The following IKBIP variants were observed in gnomAD, a reference collection of about 807,000 sequenced individuals.
The protein encoded by IKBIP is IKBKB interacting protein, also known as inhibitor of nuclear factor kappa-B kinase-interacting protein.
In IKBIP, 28 loss-of-function variants were observed where a neutral mutation model predicts 31.0. That is an observed-to-expected ratio of 0.90 (90% CI 0.67 to 1.24). IKBIP has a LOEUF of 1.24. IKBIP is among the 50% of genes most tolerant of loss of function. The pLI is 0.00. For missense variants in IKBIP, 453 were observed against 441.9 expected (o/e 1.03, Z -0.23); for synonymous variants, 164 against 160.3 (o/e 1.02, Z -0.17).
At chr12:98,627,676 G>A (rs59998433) in intron 2 of IKBIP, among the ~76,000 whole-genome samples, 4,551 of 152,194 alleles carry the variant, frequency 0.03, 210 homozygotes, top group African/African-American at 0.1. Context: ...CTGACCTCGT[G>A]ATCCGCCCAC....
rs1306022727 is a variant in IKBIP, at chr12:98,625,338, A to G, written c.*592T>C. On this transcript the variant is annotated 3_prime_UTR_variant, in exon 3 of 3. Coordinates refer to ENST00000299157, the MANE Select transcript of IKBIP (RefSeq NM_153687.4). ...TTTCCCAGGCTTTAGAGTTTTCAGA[A>G]AGTGCATATTAATTCATAGCAAAGG... 1.0e-6 allele frequency: 1 copy of G among 974,948 alleles called. No individual in the cohort carries two copies. The highest frequency in any genetic ancestry group is 1.2e-6 in the Non-Finnish European group (1 of 820,556). 60.4% of individuals were successfully genotyped at this position (974,948 alleles called of 1,614,324 possible). A position where few individuals can be genotyped will look rare whatever the true frequency, so the allele number is the denominator to read the frequency against.
Position 98,624,906 on chromosome 12 carries a change from A to G in IKBIP, c.*1024T>C, listed in dbSNP as rs775534175. On this transcript the variant is annotated 3_prime_UTR_variant, in exon 3 of 3. Coordinates refer to ENST00000299157, the MANE Select transcript of IKBIP (RefSeq NM_153687.4). The stretch of plus-strand genomic sequence containing the variant: ...TGCAAGCTCTGCCTCCCGGGTTCAC[A>G]CCATTCTCCTGCCTCAGCCTCCTGA... 37 of 323,302 alleles carry G rather than the reference A, an allele frequency of 1.1e-4. No homozygotes were observed. The highest frequency in any genetic ancestry group is 1.6e-4 in the Non-Finnish European group (36 of 225,304). 20.0% of individuals were successfully genotyped at this position (323,302 alleles called of 1,614,324 possible). A position where few individuals can be genotyped will look rare whatever the true frequency, so the allele number is the denominator to read the frequency against.
chr12:98,618,495 G>A (rs985186928), intron 2 of IKBIP, among the ~76,000 whole-genome samples: 3 of 151,980 alleles, frequency 2.0e-5, no homozygotes, highest in African/African-American at 7.2e-5. Context: ...GCGTAGTGGT[G>A]GGCGCCTGTA....
At chr12:98,616,053 T>A (rs1022979602) in intron 2 of IKBIP, among the ~76,000 whole-genome samples, 3 of 152,140 alleles carry the variant, frequency 2.0e-5, no homozygotes, top group African/African-American at 7.2e-5. Flanking sequence ...TCTTAGTTTT[T>A]TTTTTTTTGA....
In IKBIP at chr12:98,626,490, C is replaced by G; in HGVS notation, c.574G>C (p.Glu192Gln). 6.2e-7 allele frequency: 1 copy of G among 1,613,456 alleles called. No homozygotes were observed. The highest frequency in any genetic ancestry group is 1.1e-5 in the South Asian group (1 of 91,076). Residue 192 changes from glutamate (E) to glutamine (Q), a missense_variant, in exon 3 of 3, where the codon GAG (glutamate) becomes CAG (glutamine). Transcript: ENST00000299157. ...SQVTVQINSA[E>Q]QEIKLLTERL... ...TCAGTGAGCAATTTTATTTCCTGCT[C>G]AGCTGAGTTAATTTGGACAGTTACT...
chr12:98,641,217 A>AT (rs1014157761), intron 1 of IKBIP, among the ~76,000 whole-genome samples: 2 of 152,156 alleles, frequency 1.3e-5, no homozygotes, highest in African/African-American at 4.8e-5. Context: ...AAGGGTTCAG[A>AT]TTTTTTCCCT....
rs961547538 is a variant in IKBIP at position 98,629,439 on chromosome 12, G to C, written c.298-2673C>G. Among the ~76,000 whole-genome samples, 5 of 152,138 alleles carry C rather than the reference G, an allele frequency of 3.3e-5. No individual in the cohort carries two copies. The South Asian group carries it at 8.3e-4, about 25-fold the overall frequency. On this transcript the variant is annotated intron_variant, in intron 2 of 2. Coordinates refer to ENST00000299157, the MANE Select transcript of IKBIP (RefSeq NM_153687.4). ...TTGGGCATGGTGGTGTGCGCCTGTA[G>C]TCCCAGCTACTTGGGAGGCTGAGGT...
At chr12:98,632,396 G>C (rs11109553) in intron 2 of IKBIP, among the ~76,000 whole-genome samples, 1 of 145,076 alleles carries the variant, frequency 6.9e-6, no homozygotes, top group Admixed American at 7.0e-5. Context: ...GAGTGCTTGA[G>C]CCTGGGAGGT....
chr12:98,630,983 A>C (rs2153298566), intron 2 of IKBIP, among the ~76,000 whole-genome samples: 2 of 150,142 alleles, frequency 1.3e-5, no homozygotes, highest in Middle Eastern at 6.9e-3. Flanking sequence ...CCCAGGCTGG[A>C]GTGCAATGGC....
At chr12:98,619,740 CATCT>C (rs1425101952), downstream of IKBIP, among the ~76,000 whole-genome samples, 1 of 151,564 alleles carries the variant, frequency 6.6e-6, no homozygotes, top group Non-Finnish European at 1.5e-5. Context: ...GGTGAAACTC[CATCT>C]CTACAAAAAT....
chr12:98,641,797 A>AG (rs34290391), intron 1 of IKBIP, among the ~76,000 whole-genome samples: 131,538 of 152,062 alleles, frequency 0.87, 57,131 homozygotes, highest in African/African-American at 0.94. Context: ...CTGGGACTAC[A>AG]GCGAATGCCA....
chr12:98,615,929 G>A (rs1396508810), intron 2 of IKBIP, among the ~76,000 whole-genome samples: 2 of 151,860 alleles, frequency 1.3e-5, no homozygotes, highest in African/African-American at 4.8e-5. Flanking sequence ...TACATATCTT[G>A]GCTATTGGGA....
intron 2 of IKBIP, among the ~76,000 whole-genome samples, chr12:98,627,797 G>A (rs539115098): frequency 2.6e-5 from 4 of 152,234 alleles, no homozygotes; most frequent in Admixed American, 6.5e-5. Flanking sequence ...TATACAATTT[G>A]ATATCTTTCC....
Position 98,626,552 on chromosome 12 carries a change from T to C in IKBIP, c.512A>G (p.Asp171Gly). 1 of 1,613,074 alleles carries C rather than the reference T, an allele frequency of 6.2e-7. No individual in the cohort carries two copies. Among genetic ancestry groups the C allele is most frequent in the Non-Finnish European group, 8.5e-7 (1 of 1,179,550 alleles). Residue 171 changes from aspartate to glycine, a missense_variant, in exon 3 of 3, where the codon GAC becomes GGC. By Grantham distance (94) the Asp-to-Gly change is moderately conservative. Coordinates refer to ENST00000299157, the MANE Select transcript of IKBIP (RefSeq NM_153687.4). ...ATGTTTTGCTTCTGATTTGAAAATG[T>C]CTGTATTAATGTTCATTTCTTCTAG... The part of the protein sequence containing the change: ...RSLEEMNINT[D>G]IFKSEAKHIH...
downstream of IKBIP, among the ~76,000 whole-genome samples, chr12:98,620,852 T>C (rs2097609566): frequency 2.0e-5 from 3 of 151,432 alleles, no homozygotes; most frequent in Admixed American, 2.0e-4. Context: ...ACCTCTACTT[T>C]TTTTTATATT....
At chr12:98,618,483 G>A (rs541532431) in intron 2 of IKBIP, among the ~76,000 whole-genome samples, 7 of 152,098 alleles carry the variant, frequency 4.6e-5, no homozygotes, top group South Asian at 4.2e-4. Flanking sequence ...AAAATTAGCC[G>A]GGCGTAGTGG....
intron 1 of IKBIP, among the ~76,000 whole-genome samples, chr12:98,643,824 T>C (rs2097634093): frequency 1.3e-5 from 2 of 150,708 alleles, no homozygotes; most frequent in African/African-American, 2.4e-5. Flanking sequence ...TTTCTTTTTT[T>C]TTTTTTTTTG....
intron 1 of IKBIP, among the ~76,000 whole-genome samples, chr12:98,643,406 C>A (rs1593003315): frequency 6.6e-6 from 1 of 152,038 alleles, no homozygotes; most frequent in Admixed American, 6.6e-5. Flanking sequence ...TACTAAATAA[C>A]TTTACACATG....
chr12:98,643,104 C>T (rs1055575140), intron 1 of IKBIP, among the ~76,000 whole-genome samples: 3 of 152,028 alleles, frequency 2.0e-5, no homozygotes, highest in African/African-American at 7.3e-5. Context: ...AGGTTTGTGC[C>T]ACCAAGCCTG....
Sources: allele counts gnomAD v4.1 joint callset (sites outside exome capture counted in the v4.1 genomes callset), GRCh38; gene constraint gnomAD v4.1.1; transcripts MANE v1.5; gene names NCBI Gene and HGNC (gene_info 2026-07-23, HGNC 2026-07-21).